KIRREL3: variants seen among roughly 807,000 people sequenced by gnomAD.
The protein encoded by KIRREL3 is kirre like nephrin family adhesion molecule 3.
In KIRREL3, 36 loss-of-function variants were observed where a neutral mutation model predicts 89.7. The ratio of observed to expected loss-of-function variants is 0.40; its 90% confidence interval spans 0.31 to 0.53. KIRREL3 has a LOEUF of 0.53. Among genes scored for constraint, KIRREL3 ranks in the 20% least tolerant of loss-of-function variants. The pLI is 0.49. For synonymous variants in KIRREL3, 445 were observed against 441.4 expected (o/e 1.01, Z -0.10); for missense variants, 864 against 1,056.6 (o/e 0.82, Z 2.53).
At position 126,429,771 on chromosome 11, in the gene KIRREL3, C is replaced by T. The variant is rs557282301; in HGVS notation, c.1697-483G>A. On this transcript the variant is annotated intron_variant, in intron 14 of 16. Coordinates refer to ENST00000525144, the MANE Select transcript of KIRREL3 (RefSeq NM_032531.4). This position sits in a 1 kb window ranked among gnomAD's most constrained non-coding sequence, Gnocchi z 5.2. ...CTGAGGCAGTGGGCAGCTTCTCTGTCGACGCCTCCGTGATGGAAGCTTTAC... is the reference window on the plus strand; with the variant it reads ...CTGAGGCAGTGGGCAGCTTCTCTGTTGACGCCTCCGTGATGGAAGCTTTAC... Among the ~76,000 whole-genome samples the T allele has an allele frequency of 2.0e-4, 31 of 152,344 alleles. No individual in the cohort carries two copies. Among genetic ancestry groups the T allele is most frequent in the Admixed American group, 1.7e-3 (26 of 15,300 alleles).
At chr11:126,964,594 C>A (rs989151272) in intron 1 of KIRREL3, among the ~76,000 whole-genome samples, 1 of 152,090 alleles carries the variant, frequency 6.6e-6, no homozygotes, top group Non-Finnish European at 1.5e-5. Context: ...AGGGGTACAC[C>A]CAGCAACCTC....
chr11:126,964,743 T>C (rs1389273110), intron 1 of KIRREL3, among the ~76,000 whole-genome samples: 1 of 152,134 alleles, frequency 6.6e-6, no homozygotes, highest in Non-Finnish European at 1.5e-5. Flanking sequence ...TGTTGACTTT[T>C]ATCAAGGTCA....
chr11:126,614,263 T>A lies in KIRREL3; in HGVS notation c.56-51351A>T, dbSNP rs1055686488. Among the ~76,000 whole-genome samples the A allele has an allele frequency of 2.6e-5, 4 of 152,168 alleles. No individual in the cohort carries two copies. Among genetic ancestry groups the A allele is most frequent in the Non-Finnish European group, 5.9e-5 (4 of 68,030 alleles). ...GATTCCAGTTCCTAAGTCAGAATGT[T>A]AATTTCCAGGTAGCCTAGTAAAAGA... On this transcript the variant is annotated intron_variant, in intron 1 of 16. Transcript: ENST00000525144. This position sits in a 1 kb window ranked among gnomAD's most constrained non-coding sequence, Gnocchi z 4.6.
chr11:127,001,738 G>T (rs908868789), upstream of KIRREL3, among the ~76,000 whole-genome samples: 3 of 151,522 alleles, frequency 2.0e-5, no homozygotes, highest in African/African-American at 7.3e-5. Context: ...AGGCATGCTT[G>T]GTATAAGCAG....
At chr11:126,815,580 C>G (rs765651622) in intron 1 of KIRREL3, among the ~76,000 whole-genome samples, 2 of 152,152 alleles carry the variant, frequency 1.3e-5, no homozygotes, top group African/African-American at 2.4e-5. Context: ...GTCGCCCAGG[C>G]TGGAGTGCAG....
chr11:126,973,262 TAC>T (rs1200205677), intron 1 of KIRREL3, among the ~76,000 whole-genome samples: 1 of 152,128 alleles, frequency 6.6e-6, no homozygotes, highest in African/African-American at 2.4e-5. Context: ...TCACCAAGAT[TAC>T]AGTCCCATAT....
chr11:126,913,334 C>A (rs1592341455), intron 1 of KIRREL3, among the ~76,000 whole-genome samples: 1 of 152,226 alleles, frequency 6.6e-6, no homozygotes, highest in Non-Finnish European at 1.5e-5. Flanking sequence ...GGCTATTTAA[C>A]CTCCTCATCA....
rs749425485 is a variant in KIRREL3, at chr11:126,830,841, C to T, written c.55+169614G>A. ...TGGGCCTCCATGCATTTTGTAACCC[C>T]TGTTCCTTTATTAGAGCAATCAGAA... On this transcript the variant is annotated intron_variant, in intron 1 of 16. Transcript: ENST00000525144. This position sits in a 1 kb window ranked among gnomAD's most constrained non-coding sequence, Gnocchi z 4.9. 3.3e-5 allele frequency among the ~76,000 whole-genome samples: 5 copies of T among 152,222 alleles called. No homozygotes were observed. The highest frequency in any genetic ancestry group is 5.9e-5 in the Non-Finnish European group (4 of 68,046).
At chr11:126,435,042 G>A (rs1955266389) in intron 13 of KIRREL3, among the ~76,000 whole-genome samples, 1 of 152,120 alleles carries the variant, frequency 6.6e-6, no homozygotes, top group Admixed American at 6.6e-5. Flanking sequence ...AAGGAGTTGT[G>A]GGTTCCGGCG....
intron 1 of KIRREL3, among the ~76,000 whole-genome samples, chr11:126,923,098 T>TCTCCTTCTC (rs1403648656): frequency 1.0e-4 from 9 of 89,064 alleles, no homozygotes; most frequent in African/African-American, 3.4e-4. Flanking sequence ...TTCTTCTTCT[T>TCTCCTTCTC]CTTCTCCTTC....
In KIRREL3 at chr11:126,748,642, A is replaced by G. The variant is rs576383244; in HGVS notation, c.56-185730T>C. 6.6e-6 allele frequency among the ~76,000 whole-genome samples: 1 copy of G among 152,084 alleles called. No homozygotes were observed. Among genetic ancestry groups the G allele is most frequent in the Non-Finnish European group, 1.5e-5 (1 of 68,016 alleles). On this transcript the variant is annotated intron_variant, in intron 1 of 16. Coordinates refer to ENST00000525144, the MANE Select transcript of KIRREL3 (RefSeq NM_032531.4). The surrounding 1 kb of genome is among the most constrained non-coding windows in gnomAD (Gnocchi z 4.6). ...GAAGAGGCCTCTGCGGGAAGGGGGC[A>G]GGGGCAGGAAGGCCAAGGCTGATTC...
In KIRREL3 at chr11:126,471,130, G is replaced by A. The variant is rs112796445; in HGVS notation, c.591+2179C>T. Reference sequence around the variant, plus strand: ...CCCAGCACTTTGGGAGGCTGAGGCAGGTGGATCACCTGAGGTCGGGAGTTT... The same window carrying A: ...CCCAGCACTTTGGGAGGCTGAGGCAAGTGGATCACCTGAGGTCGGGAGTTT... On this transcript the variant is annotated intron_variant, in intron 5 of 16. Coordinates refer to ENST00000525144, the MANE Select transcript of KIRREL3 (RefSeq NM_032531.4). The surrounding 1 kb of genome is among the most constrained non-coding windows in gnomAD (Gnocchi z 5.4). 0.1 allele frequency among the ~76,000 whole-genome samples: 15,515 copies of A among 152,158 alleles called. 2,646 individuals are homozygous for A. Among genetic ancestry groups the A allele is most frequent in the African/African-American group, 0.35 (14,501 of 41,452 alleles).
Position 126,636,792 on chromosome 11 carries a change from A to T in KIRREL3, c.56-73880T>A, listed in dbSNP as rs751773179. Among the ~76,000 whole-genome samples the T allele has an allele frequency of 4.6e-5, 7 of 152,172 alleles. No individual in the cohort carries two copies. The highest frequency in any genetic ancestry group is 1.0e-4 in the Non-Finnish European group (7 of 68,024). ...GCAATAATGCCAACTAGGAGTCCGG[A>T]TGATCTGGACTTGAATTTGTATCCC... On this transcript the variant is annotated intron_variant, in intron 1 of 16. Coordinates refer to ENST00000525144, the MANE Select transcript of KIRREL3 (RefSeq NM_032531.4). This position sits in a 1 kb window ranked among gnomAD's most constrained non-coding sequence, Gnocchi z 4.4.
Position 126,441,406 on chromosome 11 carries a change from CAA to C in KIRREL3, c.1253-859_1253-858del, listed in dbSNP as rs1955557615. Among the ~76,000 whole-genome samples, 1 of 152,210 alleles carries C rather than the reference CAA, an allele frequency of 6.6e-6. No homozygotes were observed. Among genetic ancestry groups the C allele is most frequent in the Admixed American group, 6.5e-5 (1 of 15,284 alleles). On this transcript the variant is annotated intron_variant, in intron 10 of 16. Transcript: ENST00000525144. The surrounding 1 kb of genome is among the most constrained non-coding windows in gnomAD (Gnocchi z 5.0). ...GTCCAGTTCCGCCTGTTACCTAACC[CAA>C]GTCTTTCCCCTGTGACGCCTGCCTG...
chr11:126,464,865 A>C (rs1956669709), intron 5 of KIRREL3, among the ~76,000 whole-genome samples: 1 of 152,172 alleles, frequency 6.6e-6, no homozygotes, highest in African/African-American at 2.4e-5. Flanking sequence ...GTGCTTTGTA[A>C]TGGCAGCCCT....
intron 1 of KIRREL3, among the ~76,000 whole-genome samples, chr11:126,963,842 C>T (rs1272941661): frequency 6.6e-6 from 1 of 152,106 alleles, no homozygotes; most frequent in African/African-American, 2.4e-5. Flanking sequence ...AAAGTGCCAC[C>T]CCTGGAGTGA....
Position 126,708,140 on chromosome 11 carries a change from C to G in KIRREL3, c.56-145228G>C, listed in dbSNP as rs576636935. Among the ~76,000 whole-genome samples the G allele has an allele frequency of 3.3e-5, 5 of 152,266 alleles. No individual in the cohort carries two copies. Among genetic ancestry groups the G allele is most frequent in the Non-Finnish European group, 5.9e-5 (4 of 68,028 alleles). On this transcript the variant is annotated intron_variant, in intron 1 of 16. Transcript: ENST00000525144. This position sits in a 1 kb window ranked among gnomAD's most constrained non-coding sequence, Gnocchi z 5.7. Reference sequence around the variant, plus strand: ...CAATCTTCCTCTTCCACTGACTTTTCCCGTGTGAAAGGACTCCCTGGTCAG... The same window carrying G: ...CAATCTTCCTCTTCCACTGACTTTTGCCGTGTGAAAGGACTCCCTGGTCAG...
chr11:126,823,847 G>A (rs10893582), intron 1 of KIRREL3, among the ~76,000 whole-genome samples: 47,838 of 152,176 alleles, frequency 0.31, 7,961 homozygotes, highest in African/African-American at 0.43. Context: ...GCTGGCAGGT[G>A]GGTCTGAAGG....
chr11:126,573,971 C>T (rs972491787), intron 1 of KIRREL3, among the ~76,000 whole-genome samples: 1 of 152,160 alleles, frequency 6.6e-6, no homozygotes, highest in African/African-American at 2.4e-5. Flanking sequence ...TCTACCCATT[C>T]TATTCTTGTC....
Sources: gnomAD v4.1 joint callset for allele counts (sites outside exome capture counted in the v4.1 genomes callset) on GRCh38, gnomAD v4.1.1 for gene constraint, Gnocchi (gnomAD v3.1) non-coding constraint, MANE v1.5 for transcripts, NCBI Gene and HGNC (gene_info 2026-07-23, HGNC 2026-07-21) for gene names.